AIG1: variants seen among roughly 807,000 people sequenced by gnomAD.
AIG1 encodes the protein androgen-induced gene 1 protein.
In AIG1, 23 loss-of-function variants were observed where a neutral mutation model predicts 31.4. The observed-to-expected ratio is 0.73, with a 90% CI of 0.53 to 1.04. The LOEUF is 1.04. AIG1 is among the 50% of genes least tolerant of loss of function. The probability of loss-of-function intolerance (pLI) is 0.00; values close to 1 mark genes in which losing one functional copy is unlikely to be tolerated. For missense variants in AIG1, 274 were observed against 295.0 expected (o/e 0.93, Z 0.52); for synonymous variants, 100 against 110.5 (o/e 0.90, Z 0.60).
chr6:143,289,187 C>T (rs1445101699), intron 4 of AIG1, among the ~76,000 whole-genome samples: 2 of 151,978 alleles, frequency 1.3e-5, no homozygotes, highest in African/African-American at 4.8e-5. Context: ...GCAAAGATCC[C>T]CCACAAAAGA....
rs530452265 is a variant in AIG1, at chr6:143,072,347, T to G, written c.141+11281T>G. 1.8e-4 allele frequency among the ~76,000 whole-genome samples: 28 copies of G among 152,294 alleles called. No individual in the cohort carries two copies. In the East Asian group the frequency reaches 4.6e-3, roughly 25 times the overall value. On this transcript the variant is annotated intron_variant, in intron 1 of 5. Coordinates refer to ENST00000357847, the MANE Select transcript of AIG1 (RefSeq NM_016108.4). ...AGATTCTATGGGAGTTTCTTTTTTT[T>G]ATTTAGACTATCATGTCACCTGTTA...
chr6:143,187,711 T>C (rs1366539898), intron 3 of AIG1: 5 of 1,535,928 alleles, frequency 3.3e-6, no homozygotes, highest in Non-Finnish European at 4.4e-6. Context: ...ACAGAAAGCT[T>C]GCTCCAGCAA....
rs915563764 is a variant in AIG1 at position 143,327,425 on chromosome 6, T to C, written c.516-5857T>C. 1 of 362,246 alleles carries C rather than the reference T, an allele frequency of 2.8e-6. No individual in the cohort carries two copies. The highest frequency in any genetic ancestry group is 2.2e-5 in the African/African-American group (1 of 46,246). The allele number at this position is 362,246 out of a possible 1,614,324, so 22.4% of individuals were successfully genotyped here. A position where few individuals can be genotyped will look rare whatever the true frequency, so the allele number is the denominator to read the frequency against. Reference sequence around the variant, plus strand: ...TGCCCCTTGGGCACTCAAAGAGATCTGGAAATTTGCCACGAAGGAGATGGG... The same window carrying C: ...TGCCCCTTGGGCACTCAAAGAGATCCGGAAATTTGCCACGAAGGAGATGGG... On this transcript the variant is annotated intron_variant, in intron 4 of 5. Coordinates refer to ENST00000357847, the MANE Select transcript of AIG1 (RefSeq NM_016108.4). This position sits in a 1 kb window ranked among gnomAD's most constrained non-coding sequence, Gnocchi z 5.3.
chr6:143,097,771 A>G (rs1005316373), intron 1 of AIG1, among the ~76,000 whole-genome samples: 12 of 152,208 alleles, frequency 7.9e-5, no homozygotes, highest in African/African-American at 2.9e-4. Flanking sequence ...TTGTTTCAGT[A>G]TAAGACAACA....
At chr6:143,332,261 T>C (rs1314923141) in intron 4 of AIG1, among the ~76,000 whole-genome samples, 1 of 152,196 alleles carries the variant, frequency 6.6e-6, no homozygotes. Context: ...AAGTCATCTT[T>C]ATTCCCAATG....
chr6:143,173,199 G>A lies in AIG1; in HGVS notation c.399+8016G>A, dbSNP rs535285593. The stretch of plus-strand genomic sequence containing the variant: ...GCCTCCTGAGTAGCTAGGATTACAG[G>A]CGTGCACCACCACACCTGTCTAATT... On this transcript the variant is annotated intron_variant, in intron 3 of 5. Transcript: ENST00000357847. 1.4e-4 allele frequency among the ~76,000 whole-genome samples: 21 copies of A among 152,208 alleles called. 1 individual carries two copies. The South Asian group carries it at 3.9e-3, about 29-fold the overall frequency.
At chr6:143,145,492 G>A (rs1784625438) in intron 2 of AIG1, among the ~76,000 whole-genome samples, 1 of 152,008 alleles carries the variant, frequency 6.6e-6, no homozygotes, top group Non-Finnish European at 1.5e-5. Flanking sequence ...AAACTCTAGG[G>A]AGCCCTCCCC....
chr6:143,141,167 C>T (rs370476713), intron 2 of AIG1, among the ~76,000 whole-genome samples: 25 of 152,298 alleles, frequency 1.6e-4, no homozygotes, highest in African/African-American at 4.8e-4. Context: ...CAACTTTGCA[C>T]AAGTTTTCCT....
chr6:143,291,788 G>A lies in AIG1; in HGVS notation c.515+7563G>A, dbSNP rs1798080141. Among the ~76,000 whole-genome samples the A allele has an allele frequency of 6.6e-6, 1 of 152,166 alleles. No individual in the cohort carries two copies. The highest frequency in any genetic ancestry group is 1.5e-5 in the Non-Finnish European group (1 of 68,036). ...CCACTGTGTGTTGAAGCAGAGTGAGGGAGAGTGCACAGAGCTCCTAGGGTG... is the reference window on the plus strand; with the variant it reads ...CCACTGTGTGTTGAAGCAGAGTGAGAGAGAGTGCACAGAGCTCCTAGGGTG... On this transcript the variant is annotated intron_variant, in intron 4 of 5. Coordinates refer to ENST00000357847, the MANE Select transcript of AIG1 (RefSeq NM_016108.4). This position sits in a 1 kb window ranked among gnomAD's most constrained non-coding sequence, Gnocchi z 4.2.
At chr6:143,226,088 G>A (rs1168153192) in intron 3 of AIG1, among the ~76,000 whole-genome samples, 1 of 152,088 alleles carries the variant, frequency 6.6e-6, no homozygotes, top group Non-Finnish European at 1.5e-5. Flanking sequence ...AATGATGATA[G>A]AGAAAACCAG....
chr6:143,181,856 A>T (rs2128586138), intron 3 of AIG1, among the ~76,000 whole-genome samples: 1 of 152,296 alleles, frequency 6.6e-6, no homozygotes, highest in Non-Finnish European at 1.5e-5. Context: ...GGAAGACAGG[A>T]TAAGAAGTTG....
At chr6:143,277,698 A>G (rs537718190) in intron 3 of AIG1, among the ~76,000 whole-genome samples, 2 of 152,318 alleles carry the variant, frequency 1.3e-5, no homozygotes, top group South Asian at 2.1e-4. Flanking sequence ...TTATGACCCA[A>G]TGAGGTTGGC....
chr6:143,343,767 T>A (rs1436165923), downstream of AIG1, among the ~76,000 whole-genome samples: 2 of 152,238 alleles, frequency 1.3e-5, no homozygotes, highest in African/African-American at 2.4e-5. Flanking sequence ...TGTACAGGTT[T>A]GTTATATAGG....
At chr6:143,190,379 A>C in intron 3 of AIG1, 1 of 985,368 alleles carries the variant, frequency 1.0e-6, no homozygotes, top group Non-Finnish European at 1.2e-6. Flanking sequence ...CTCAGTGCTC[A>C]GCACTGGCTT....
At chr6:143,103,229 A>C (rs1195606745) in intron 1 of AIG1, among the ~76,000 whole-genome samples, 2 of 152,204 alleles carry the variant, frequency 1.3e-5, no homozygotes, top group African/African-American at 4.8e-5. Context: ...AGGCCCAATC[A>C]ACAGCATAGA....
chr6:143,266,129 C>T (rs1033091290), intron 3 of AIG1, among the ~76,000 whole-genome samples: 3 of 152,154 alleles, frequency 2.0e-5, no homozygotes, highest in Non-Finnish European at 4.4e-5. Context: ...GCAGGTGGAT[C>T]ACGAGGTCAG....
chr6:143,195,461 T>C (rs1364437643), intron 3 of AIG1, among the ~76,000 whole-genome samples: 2 of 152,036 alleles, frequency 1.3e-5, no homozygotes, highest in South Asian at 2.1e-4. Context: ...CCTGATAGCT[T>C]TGGGGAGTTG....
chr6:143,122,147 A>C (rs1053156032), intron 1 of AIG1, among the ~76,000 whole-genome samples: 1 of 152,168 alleles, frequency 6.6e-6, no homozygotes, highest in Non-Finnish European at 1.5e-5. Context: ...AGTTTCTCTT[A>C]GGAGAAGTTT....
intron 1 of AIG1, among the ~76,000 whole-genome samples, chr6:143,065,676 T>A (rs772770650): frequency 8.5e-5 from 13 of 152,220 alleles, no homozygotes; most frequent in Non-Finnish European, 1.6e-4. Flanking sequence ...CTTCCCAAAT[T>A]TTCATTGAGT....
Sources: gnomAD v4.1 joint callset for allele counts (sites outside exome capture counted in the v4.1 genomes callset) on GRCh38, gnomAD v4.1.1 for gene constraint, Gnocchi (gnomAD v3.1) non-coding constraint, MANE v1.5 for transcripts, NCBI Gene and HGNC (gene_info 2026-07-23, HGNC 2026-07-21) for gene names.